Variants in EPG5 observed in about 807,000 individuals in gnomAD.
The protein encoded by EPG5 is ectopic P granules protein 5 homolog.
In EPG5, 159 loss-of-function variants were observed where a neutral mutation model predicts 302.7. That is an observed-to-expected ratio of 0.53 (90% confidence interval 0.46 to 0.60). The LOEUF (loss-of-function observed/expected upper bound fraction) is 0.60. EPG5 is among the 20% of genes least tolerant of loss of function. EPG5 has a pLI of 0.00. For missense variants in EPG5, 2,896 were observed against 3,092.4 expected (o/e 0.94, Z 1.51); for synonymous variants, 1,158 against 1,136.8 (o/e 1.02, Z -0.37).
At chr18:45,951,394 C>T (rs977723405) in intron 3 of EPG5, among the ~76,000 whole-genome samples, 156 bp from the exon 4 acceptor site, 2 of 151,170 alleles carry the variant, frequency 1.3e-5, no homozygotes, top group African/African-American at 4.8e-5. Flanking sequence ...TTTTTATAAA[C>T]AGACAAGTCA....
chr18:45,858,747 G>T lies in EPG5; in HGVS notation c.7045C>A (p.Leu2349Met). 1.2e-6 allele frequency: 2 copies of T among 1,614,152 alleles called. No individual in the cohort carries two copies. Among genetic ancestry groups the T allele is most frequent in the Non-Finnish European group, 1.7e-6 (2 of 1,180,010 alleles). Residue 2349 changes from leucine (L) to methionine (M), a missense_variant, in exon 41 of 44, where the codon CTG becomes ATG. Physicochemically the swap from Leu to Met is conservative, Grantham distance 15. Coordinates refer to ENST00000282041, the MANE Select transcript of EPG5 (RefSeq NM_020964.3). Reference sequence around the variant, plus strand: ...AGCTCGGGAACCTGAAGGGATACCAGAATGGGTCCCCATCCTGAATTCTGA... The same window carrying T: ...AGCTCGGGAACCTGAAGGGATACCATAATGGGTCCCCATCCTGAATTCTGA... ...LNQNSGWGPI[L>M]VSLQVPELTM...
chr18:45,829,803 C>T, the EPG5 span, among the ~76,000 whole-genome samples: 2 of 152,156 alleles, frequency 1.3e-5, no homozygotes, highest in Non-Finnish European at 2.9e-5. Context: ...ACAATGCTGT[C>T]CCTCCTGGAG....
At chr18:45,911,025 G>A (rs1400273030) in intron 22 of EPG5, among the ~76,000 whole-genome samples, 4 of 148,882 alleles carry the variant, frequency 2.7e-5, no homozygotes, top group African/African-American at 1.0e-4. Context: ...TTGCAATCTG[G>A]CAAAAACTAA....
At chr18:45,801,559 G>A in the EPG5 span, among the ~76,000 whole-genome samples, 1 of 152,182 alleles carries the variant, frequency 6.6e-6, no homozygotes, top group African/African-American at 2.4e-5. Flanking sequence ...AAGAAGGGAT[G>A]GCACTGAGCT....
chr18:45,842,351 T>A, the EPG5 span: 1 of 656,612 alleles, frequency 1.5e-6, no homozygotes, highest in Non-Finnish European at 2.6e-6. Flanking sequence ...GAGGCTCATC[T>A]GGCCTCCTAT....
rs769308318 is a variant in EPG5, at chr18:45,939,620, T to C, written c.2079A>G (p.Leu693=). The C allele has an allele frequency of 4.4e-5, 71 of 1,614,018 alleles. No homozygotes were observed. The highest frequency in any genetic ancestry group is 1.6e-4 in the African/African-American group (12 of 74,924). The stretch of plus-strand genomic sequence containing the variant: ...CTTACCTTTTGGCCTTCAGCACATG[T>C]AGGACAGCCCTCAAAAACAGTTCAT... ...EFDELFLRAV[L]HVLKAKRLGI... Residue 693 remains leucine (L), a synonymous_variant, in exon 10 of 44, where the codon CTA becomes CTG. Coordinates refer to ENST00000282041, the MANE Select transcript of EPG5 (RefSeq NM_020964.3).
chr18:45,833,299 A>G, the EPG5 span, among the ~76,000 whole-genome samples: 3 of 151,986 alleles, frequency 2.0e-5, no homozygotes, highest in African/African-American at 7.3e-5. Context: ...GTTGTTGTGC[A>G]TTTTACTTTT....
chr18:45,846,558 G>T (rs1005487914), downstream of EPG5, among the ~76,000 whole-genome samples: 1 of 147,068 alleles, frequency 6.8e-6, no homozygotes, highest in African/African-American at 2.5e-5. Flanking sequence ...GATCTCGGGG[G>T]TTCTAAGAGC....
intron 20 of EPG5, 27 bp downstream of exon 20, chr18:45,915,483 CA>C: frequency 6.8e-7 from 1 of 1,475,792 alleles, no homozygotes; most frequent in Non-Finnish European, 9.5e-7. Flanking sequence ...ACAAAGATAA[CA>C]AATGATCCTC....
intron 27 of EPG5, among the ~76,000 whole-genome samples, chr18:45,896,716 T>G (rs1211532005): frequency 6.6e-6 from 1 of 152,104 alleles, no homozygotes; most frequent in Non-Finnish European, 1.5e-5. Context: ...GGCTTATTTT[T>G]GTATAATATT....
intron 23 of EPG5, among the ~76,000 whole-genome samples, chr18:45,910,005 TA>T (rs1281296162): frequency 6.6e-6 from 1 of 152,134 alleles, no homozygotes; most frequent in Non-Finnish European, 1.5e-5. Context: ...GGTTTTTTTG[TA>T]ACAGAGTCTC....
chr18:45,880,107 T>C lies in EPG5; in HGVS notation c.5635A>G (p.Ser1879Gly). ...TCTGACAAGAGAGCATCAGAAGAGC[T>C]GGGAAGCACGGCGCCCTCGGTGGAC... ...AASTEGAVLP[S>G]SSDALLSDKQ... The change falls in exon 32 of 44, where the codon AGC (serine) becomes GGC (glycine). Residue 1879 changes from serine (S) to glycine (G), a missense_variant. Coordinates refer to ENST00000282041, the MANE Select transcript of EPG5 (RefSeq NM_020964.3). 1 of 1,609,406 alleles carries C rather than the reference T, an allele frequency of 6.2e-7. No individual in the cohort carries two copies. Among genetic ancestry groups the C allele is most frequent in the Non-Finnish European group, 8.5e-7 (1 of 1,176,932 alleles).
At chr18:45,966,345 C>T (rs188845181) in intron 1 of EPG5, among the ~76,000 whole-genome samples, 23 of 146,828 alleles carry the variant, frequency 1.6e-4, no homozygotes, top group Admixed American at 6.2e-4. Context: ...CACTGCACTC[C>T]GGCCTGGGCG....
chr18:45,959,266 G>A (rs1189520391), intron 1 of EPG5, among the ~76,000 whole-genome samples: 17 of 151,978 alleles, frequency 1.1e-4, no homozygotes, highest in Admixed American at 7.9e-4. Flanking sequence ...GCTTGAACCC[G>A]GGAGGCGGAG....
chr18:45,926,808 T>C (rs936415611), intron 13 of EPG5, among the ~76,000 whole-genome samples: 3 of 56,552 alleles, frequency 5.3e-5, no homozygotes, highest in Admixed American at 2.2e-4. Flanking sequence ...CAAGACTCTG[T>C]CTTGGGAGAA....
intron 37 of EPG5, among the ~76,000 whole-genome samples, chr18:45,867,319 T>C (rs1425284331): frequency 3.9e-5 from 6 of 152,198 alleles, no homozygotes; most frequent in Admixed American, 3.3e-4. Context: ...GAAGTAGATA[T>C]TAATGAGATA....
intron 22 of EPG5, among the ~76,000 whole-genome samples, chr18:45,911,077 A>ATC (rs1191238000): frequency 6.6e-4 from 68 of 103,028 alleles, no homozygotes; most frequent in South Asian, 2.7e-3. Context: ...CTATCTATCT[A>ATC]TACACACACA....
At chr18:45,922,089 G>A (rs900439493) in intron 16 of EPG5, among the ~76,000 whole-genome samples, 6 of 151,672 alleles carry the variant, frequency 4.0e-5, no homozygotes, top group East Asian at 3.9e-4. Flanking sequence ...CTGCTGACAC[G>A]AACATTCCAC....
rs573192523 is a variant in EPG5 at position 45,857,075 on chromosome 18, C to T, written c.7442+778G>A. On this transcript the variant is annotated intron_variant, in intron 42 of 43. Transcript: ENST00000282041. ...CTGGGACTACAGGTGCTTGCCACCA[C>T]ACCCAGCTAATTTTTATATTTGTGT... 4.2e-4 allele frequency among the ~76,000 whole-genome samples: 63 copies of T among 151,772 alleles called. 1 individual carries two copies. Among genetic ancestry groups the T allele is most frequent in the Middle Eastern group, 6.8e-3 (2 of 294 alleles).
Sources: allele counts gnomAD v4.1 joint callset (sites outside exome capture counted in the v4.1 genomes callset), GRCh38; gene constraint gnomAD v4.1.1; transcripts MANE v1.5; gene names NCBI Gene and HGNC (gene_info 2026-07-23, HGNC 2026-07-21).